Variants in DMBX1 observed in about 807,000 individuals in gnomAD.
DMBX1 encodes diencephalon/mesencephalon homeobox 1.
In DMBX1, 7 loss-of-function variants were observed where a neutral mutation model predicts 30.4. That is an observed-to-expected ratio of 0.23 (90% confidence interval 0.13 to 0.43). DMBX1 has a LOEUF of 0.43. Among genes scored for constraint, DMBX1 ranks in the 20% least tolerant of loss-of-function variants. The probability of loss-of-function intolerance (pLI) is 1.00; values close to 1 mark genes in which losing one functional copy is unlikely to be tolerated. For synonymous variants in DMBX1, 222 were observed against 214.2 expected (o/e 1.04, Z -0.32); for missense variants, 460 against 508.5 (o/e 0.90, Z 0.92).
rs148085397 is a variant in DMBX1, at chr1:46,495,183, C to G, written c.-13+4400C>G. On this transcript the variant is annotated intron_variant, in intron 2 of 5. Transcript: ENST00000360032. ...GGGCATGTGACCATCTGCAATTCCC[C>G]TAGAATCTGAGCCCTTCAAGCTGGA... is the stretch of plus-strand genomic sequence containing the variant. 2.0e-5 allele frequency among the ~76,000 whole-genome samples: 3 copies of G among 152,348 alleles called. No individual in the cohort carries two copies. The East Asian group carries it at 5.8e-4, about 29-fold the overall frequency.
At position 46,491,631 on chromosome 1, in the gene DMBX1, T is replaced by A. The variant is rs1665930531; in HGVS notation, c.-13+848T>A. ...CGATGGCAGGGCGACCAGAGTCCTT[T>A]CCCCTCTCTAGTGCTAGGGATTCTG... On this transcript the variant is annotated intron_variant, in intron 2 of 5. Coordinates refer to ENST00000360032, the MANE Select transcript of DMBX1 (RefSeq NM_172225.2). This position sits in a 1 kb window ranked among gnomAD's most constrained non-coding sequence, Gnocchi z 5.5. Among the ~76,000 whole-genome samples the A allele has an allele frequency of 6.6e-6, 1 of 152,192 alleles. No individual in the cohort carries two copies. Among genetic ancestry groups the A allele is most frequent in the African/African-American group, 2.4e-5 (1 of 41,448 alleles).
intron 2 of DMBX1, among the ~76,000 whole-genome samples, chr1:46,497,560 A>G (rs1258118475): frequency 2.0e-5 from 3 of 152,254 alleles, no homozygotes; most frequent in African/African-American, 4.8e-5. Flanking sequence ...TTGGTGGGGT[A>G]GGCCTGTGGG....
chr1:46,502,471 T>C (rs1025545053), intron 2 of DMBX1, among the ~76,000 whole-genome samples: 1 of 152,176 alleles, frequency 6.6e-6, no homozygotes, highest in African/African-American at 2.4e-5. Context: ...CCTCCCACTC[T>C]AGTGAAGGCA....
chr1:46,500,132 A>C (rs759217522), intron 2 of DMBX1, among the ~76,000 whole-genome samples: 4 of 151,868 alleles, frequency 2.6e-5, no homozygotes, highest in Non-Finnish European at 4.4e-5. Flanking sequence ...AGGCGTGGAG[A>C]TGAGAAGGAG....
Position 46,510,851 on chromosome 1 carries a change from G to T in DMBX1, c.334-84G>T. 1 of 1,402,088 alleles carries T rather than the reference G, an allele frequency of 7.1e-7. No homozygotes were observed. The allele number at this position is 1,402,088 out of a possible 1,614,324, so 86.9% of individuals were successfully genotyped here. A position where few individuals can be genotyped will look rare whatever the true frequency, so the allele number is the denominator to read the frequency against. Reference sequence around the variant, plus strand: ...TAGAGGGGTGGGGGGATGTTATCACGTACATCCTCTCCCAGAGCACCCTGC... The same window carrying T: ...TAGAGGGGTGGGGGGATGTTATCACTTACATCCTCTCCCAGAGCACCCTGC... On this transcript the variant is annotated intron_variant, in intron 4 of 5. Transcript: ENST00000360032. The surrounding 1 kb of genome is among the most constrained non-coding windows in gnomAD (Gnocchi z 4.1).
rs551077246 is a variant in DMBX1, at chr1:46,494,413, C to T, written c.-13+3630C>T. Among the ~76,000 whole-genome samples, 9 of 152,352 alleles carry T rather than the reference C, an allele frequency of 5.9e-5. No homozygotes were observed. In the East Asian group the frequency reaches 1.5e-3, roughly 26 times the overall value. ...TAGGCGGAGGGGCCTCCCTCAGTCT[C>T]GGCCCATTAGCCTGCGGGGGGCTAA... On this transcript the variant is annotated intron_variant, in intron 2 of 5. Coordinates refer to ENST00000360032, the MANE Select transcript of DMBX1 (RefSeq NM_172225.2).
intron 5 of DMBX1, among the ~76,000 whole-genome samples, chr1:46,511,565 G>A (rs1280508753): frequency 6.6e-6 from 1 of 152,192 alleles, no homozygotes; most frequent in Admixed American, 6.5e-5. Context: ...TTAACAACCA[G>A]TTGGATGTCC....
chr1:46,494,073 G>A (rs1167159047), intron 2 of DMBX1, among the ~76,000 whole-genome samples: 1 of 152,192 alleles, frequency 6.6e-6, no homozygotes, highest in Non-Finnish European at 1.5e-5. Context: ...TCTCGGCTCC[G>A]CCCAAGTCTC....
chr1:46,507,449 G>A (rs1480858357), intron 3 of DMBX1, among the ~76,000 whole-genome samples: 1 of 152,220 alleles, frequency 6.6e-6, no homozygotes, highest in East Asian at 1.9e-4. Flanking sequence ...TCTCACAGAT[G>A]AAGAAATGAG....
rs1666415448 is a variant in DMBX1, at chr1:46,513,000, TC to T, written c.*508del. Reference sequence around the variant, plus strand: ...CATCCCTTCTGTTTCTCCTTCTCTCTCCTTCCTTCTTCCCTTGATCTCCCTC... The same window carrying T: ...CATCCCTTCTGTTTCTCCTTCTCTCTCTTCCTTCTTCCCTTGATCTCCCTC... On this transcript the variant is annotated 3_prime_UTR_variant, in exon 6 of 6. Transcript: ENST00000360032. This position sits in a 1 kb window ranked among gnomAD's most constrained non-coding sequence, Gnocchi z 4.8. 1.3e-5 allele frequency: 2 copies of T among 155,646 alleles called. No homozygotes were observed. The highest frequency in any genetic ancestry group is 4.8e-5 in the African/African-American group (2 of 41,240). 9.6% of individuals were successfully genotyped at this position (155,646 alleles called of 1,614,324 possible).
chr1:46,503,654 G>A (rs925640095), intron 2 of DMBX1, among the ~76,000 whole-genome samples: 3 of 152,204 alleles, frequency 2.0e-5, no homozygotes, highest in Non-Finnish European at 4.4e-5. Context: ...TGCACGAAAC[G>A]TTCATGTGCT....
Position 46,512,214 on chromosome 1 carries a change from G to C in DMBX1, c.854G>C (p.Gly285Ala), listed in dbSNP as rs114486361. 3,488 of 1,614,044 alleles carry C rather than the reference G, an allele frequency of 2.2e-3. 7 individuals are homozygous for C. Among genetic ancestry groups the C allele is most frequent in the Non-Finnish European group, 2.8e-3 (3,285 of 1,179,968 alleles). ...CACTACTCGTCCTTCGAAGTAGGGG[G>C]TCCGGCCCCTGCTGCTGCAGCGGCG... ...LVHYSSFEVG[G>A]PAPAAAAAAA... The change falls in exon 6 of 6, where the codon GGT (glycine) becomes GCT (alanine). Residue 285 changes from glycine to alanine, a missense_variant. Coordinates refer to ENST00000360032, the MANE Select transcript of DMBX1 (RefSeq NM_172225.2). This position sits in a 1 kb window ranked among gnomAD's most constrained non-coding sequence, Gnocchi z 4.8.
In DMBX1 at chr1:46,493,075, C is replaced by T. The variant is rs936354276; in HGVS notation, c.-13+2292C>T. 6.6e-6 allele frequency among the ~76,000 whole-genome samples: 1 copy of T among 152,192 alleles called. No homozygotes were observed. The highest frequency in any genetic ancestry group is 1.5e-5 in the Non-Finnish European group (1 of 68,036). ...TCAAGGAGCCAGTCTTCACCTCCCC[C>T]ACCCCTGCCTTCCCATTTCGCCCCC... is the stretch of plus-strand genomic sequence containing the variant. On this transcript the variant is annotated intron_variant, in intron 2 of 5. Coordinates refer to ENST00000360032, the MANE Select transcript of DMBX1 (RefSeq NM_172225.2). The surrounding 1 kb of genome is among the most constrained non-coding windows in gnomAD (Gnocchi z 4.1).
At position 46,512,175 on chromosome 1, in the gene DMBX1, C is replaced by A. The variant is rs753590779; in HGVS notation, c.815C>A (p.Thr272Asn). 61 of 1,613,968 alleles carry A rather than the reference C, an allele frequency of 3.8e-5. No individual in the cohort carries two copies. The highest frequency in any genetic ancestry group is 4.9e-5 in the Non-Finnish European group (58 of 1,179,992). Reference protein sequence around the residue: ...QEQFRQHMAATNNLVHYSSFE... With the variant: ...QEQFRQHMAANNNLVHYSSFE... ...CAATTCCGCCAGCACATGGCGGCCACCAACAACCTGGTGCACTACTCGTCC... is the reference window on the plus strand; with the variant it reads ...CAATTCCGCCAGCACATGGCGGCCAACAACAACCTGGTGCACTACTCGTCC... Residue 272 changes from threonine (T) to asparagine (N), a missense_variant, in exon 6 of 6, where the codon ACC becomes AAC. By Grantham distance (65) the Thr-to-Asn change is moderately conservative (BLOSUM62 0). Transcript: ENST00000360032. This position sits in a 1 kb window ranked among gnomAD's most constrained non-coding sequence, Gnocchi z 4.8.
chr1:46,506,333 C>T (rs1666235208), intron 2 of DMBX1, among the ~76,000 whole-genome samples: 1 of 152,268 alleles, frequency 6.6e-6, no homozygotes, highest in Non-Finnish European at 1.5e-5. Flanking sequence ...GCTGGGATTA[C>T]AGGCATGAGC....
intron 2 of DMBX1, among the ~76,000 whole-genome samples, chr1:46,501,215 T>TTCC (rs1184572464): frequency 6.0e-5 from 3 of 50,256 alleles, no homozygotes; most frequent in Admixed American, 2.3e-4. Context: ...CCTTCCTTCC[T>TTCC]TTCTTTCTTT....
chr1:46,495,500 G>C (rs1194761582), intron 2 of DMBX1, among the ~76,000 whole-genome samples: 1 of 152,158 alleles, frequency 6.6e-6, no homozygotes, highest in Non-Finnish European at 1.5e-5. Flanking sequence ...GGATTATGAG[G>C]TTGTGAAGAT....
chr1:46,494,582 G>A (rs758374919), intron 2 of DMBX1, among the ~76,000 whole-genome samples: 5 of 152,090 alleles, frequency 3.3e-5, no homozygotes, highest in African/African-American at 1.2e-4. Context: ...GAGACCCACC[G>A]GGACCCTGGA....
chr1:46,491,748 A>G lies in DMBX1; in HGVS notation c.-13+965A>G, dbSNP rs965589855. On this transcript the variant is annotated intron_variant, in intron 2 of 5. Coordinates refer to ENST00000360032, the MANE Select transcript of DMBX1 (RefSeq NM_172225.2). The surrounding 1 kb of genome is among the most constrained non-coding windows in gnomAD (Gnocchi z 5.5). ...GTGGGTGTAGTGGGGGTTGTTTTCA[A>G]TTTTTCGGGGATTTGTGTTTCACTT... is the stretch of plus-strand genomic sequence containing the variant. Among the ~76,000 whole-genome samples the G allele has an allele frequency of 6.6e-6, 1 of 151,636 alleles. No individual in the cohort carries two copies. The highest frequency in any genetic ancestry group is 2.4e-5 in the African/African-American group (1 of 41,238).
Sources: allele counts gnomAD v4.1 joint callset (sites outside exome capture counted in the v4.1 genomes callset), GRCh38; gene constraint gnomAD v4.1.1; non-coding constraint Gnocchi (gnomAD v3.1); transcripts MANE v1.5; gene names NCBI Gene and HGNC (gene_info 2026-07-23, HGNC 2026-07-21).